RAPGEF4: variants seen among roughly 807,000 people sequenced by gnomAD.
RAPGEF4 encodes Rap guanine nucleotide exchange factor 4, also known as RAP guanine-nucleotide-exchange factor (GEF) 4.
Under a neutral mutation model 147.9 loss-of-function variants are expected in RAPGEF4, and 66 were observed. The observed-to-expected ratio is 0.45, with a 90% confidence interval of 0.37 to 0.55. The LOEUF (loss-of-function observed/expected upper bound fraction) is 0.55, where lower values mean the gene tolerates loss of function less well. Among genes scored for constraint, RAPGEF4 ranks in the 20% least tolerant of loss-of-function variants. The pLI is 0.00. For missense variants in RAPGEF4, 1,071 were observed against 1,257.3 expected (o/e 0.85, Z 2.24); for synonymous variants, 419 against 442.7 (o/e 0.95, Z 0.67).
intron 3 of RAPGEF4, among the ~76,000 whole-genome samples, chr2:172,802,530 C>A (rs956177324): frequency 6.6e-6 from 1 of 152,168 alleles, no homozygotes; most frequent in Non-Finnish European, 1.5e-5. Flanking sequence ...GTTCTTCCTG[C>A]AACACATGGG....
At chr2:172,740,442 G>A (rs969653240) in intron 1 of RAPGEF4, among the ~76,000 whole-genome samples, 6 of 152,132 alleles carry the variant, frequency 3.9e-5, no homozygotes, top group African/African-American at 4.8e-5. Context: ...TTAAGTATTC[G>A]TGTTTCAGTT....
chr2:172,934,405 C>G (rs1484301004), intron 6 of RAPGEF4, among the ~76,000 whole-genome samples: 1 of 152,132 alleles, frequency 6.6e-6, no homozygotes, highest in East Asian at 1.9e-4. Context: ...CCTGCCTCAG[C>G]CTCCCAAAGT....
intron 6 of RAPGEF4, among the ~76,000 whole-genome samples, chr2:172,954,549 A>G (rs1329868269): frequency 3.3e-5 from 5 of 152,218 alleles, no homozygotes; most frequent in Non-Finnish European, 7.3e-5. Flanking sequence ...TATTTCACAA[A>G]TGGAAAAACT....
intron 1 of RAPGEF4, among the ~76,000 whole-genome samples, chr2:172,768,075 G>A (rs1418116210): frequency 6.6e-6 from 1 of 152,128 alleles, no homozygotes; most frequent in Non-Finnish European, 1.5e-5. Context: ...GCCTCCCAGA[G>A]TGCTAGGATT....
intron 4 of RAPGEF4, among the ~76,000 whole-genome samples, chr2:172,832,079 A>G (rs976815041): frequency 2.0e-5 from 3 of 152,236 alleles, no homozygotes; most frequent in African/African-American, 7.2e-5. Context: ...GTGTTTACCC[A>G]CAGAAGGAAA....
intron 3 of RAPGEF4, among the ~76,000 whole-genome samples, chr2:172,802,283 C>T (rs933976862): frequency 1.3e-5 from 2 of 152,250 alleles, no homozygotes. Flanking sequence ...TGAGACTGGG[C>T]AATTTACAAA....
At chr2:172,797,498 A>G (rs1448286922) in intron 2 of RAPGEF4, 27 bp from the exon 3 acceptor site, 1 of 1,579,876 alleles carries the variant, frequency 6.3e-7, no homozygotes, top group Non-Finnish European at 8.7e-7. Context: ...TATCTGTTAT[A>G]TTTATATCAC....
intron 10 of RAPGEF4, among the ~76,000 whole-genome samples, chr2:172,981,363 C>A (rs1691664808): frequency 6.6e-6 from 1 of 152,144 alleles, no homozygotes; most frequent in East Asian, 1.9e-4. Flanking sequence ...CTTTTAAATC[C>A]CCAAGAGTCC....
chr2:172,780,841 A>G (rs1269887931), intron 1 of RAPGEF4, among the ~76,000 whole-genome samples: 1 of 152,214 alleles, frequency 6.6e-6, no homozygotes, highest in Non-Finnish European at 1.5e-5. Context: ...TATAACTGCA[A>G]TTATTGTATT....
chr2:173,000,106 T>A (rs2105793283), intron 16 of RAPGEF4, among the ~76,000 whole-genome samples: 1 of 152,294 alleles, frequency 6.6e-6, no homozygotes, highest in South Asian at 2.1e-4. Flanking sequence ...CTTTGGTACA[T>A]TAAAAAAAAT....
At chr2:172,891,638 T>A (rs147427368) in intron 4 of RAPGEF4, among the ~76,000 whole-genome samples, 24 of 152,298 alleles carry the variant, frequency 1.6e-4, no homozygotes, top group Non-Finnish European at 2.9e-4. Flanking sequence ...CATAGATGGG[T>A]GCACGTGCAG....
intron 4 of RAPGEF4, among the ~76,000 whole-genome samples, chr2:172,901,431 A>G (rs963144466): frequency 6.6e-6 from 1 of 152,248 alleles, no homozygotes; most frequent in African/African-American, 2.4e-5. Context: ...GACCATGTAC[A>G]TCATATGATT....
chr2:172,917,773 T>G lies in RAPGEF4; in HGVS notation c.445-29T>G. The G allele has an allele frequency of 1.9e-6, 3 of 1,559,336 alleles. No homozygotes were observed. The African/African-American group carries it at 4.1e-5, about 21-fold the overall frequency. ...AATGCTCAAAGCAAGTAAATATCTG[T>G]GTGTTGAGTTTACAATCTTGTCTTT... On this transcript the variant is annotated intron_variant, in intron 4 of 30. Transcript: ENST00000397081.
chr2:172,967,636 C>T (rs1039956258), intron 10 of RAPGEF4, among the ~76,000 whole-genome samples, 192 bp downstream of exon 10: 5 of 152,196 alleles, frequency 3.3e-5, no homozygotes, highest in African/African-American at 1.2e-4. Context: ...CCAGATGGCT[C>T]CATTTTCCAT....
At chr2:172,886,648 T>C (rs1178671346) in intron 4 of RAPGEF4, among the ~76,000 whole-genome samples, 4 of 152,088 alleles carry the variant, frequency 2.6e-5, no homozygotes, top group Non-Finnish European at 5.9e-5. Flanking sequence ...CCCCCTTCTT[T>C]TAGCTCTTTA....
At chr2:172,741,167 G>A (rs1694259698) in intron 1 of RAPGEF4, among the ~76,000 whole-genome samples, 1 of 152,202 alleles carries the variant, frequency 6.6e-6, no homozygotes, top group African/African-American at 2.4e-5. Context: ...ACCTTTTCCA[G>A]TCAGATCACC....
intron 9 of RAPGEF4, among the ~76,000 whole-genome samples, chr2:172,965,991 T>C (rs1298206292): frequency 1.3e-5 from 2 of 152,244 alleles, no homozygotes; most frequent in Non-Finnish European, 2.9e-5. Context: ...GATTATACTC[T>C]GAGCAGTGCA....
intron 6 of RAPGEF4, among the ~76,000 whole-genome samples, chr2:172,925,850 G>A (rs1685267761): frequency 7.3e-6 from 1 of 137,202 alleles, no homozygotes; most frequent in African/African-American, 2.7e-5. Flanking sequence ...AGGAAGGAAG[G>A]GAAGGAAAGA....
At chr2:172,880,943 G>T (rs1208672813) in intron 4 of RAPGEF4, among the ~76,000 whole-genome samples, 1 of 152,130 alleles carries the variant, frequency 6.6e-6, no homozygotes, top group Non-Finnish European at 1.5e-5. Context: ...CAAGTTTTTT[G>T]AATACCCCTT....
Sources: gnomAD v4.1 joint callset for allele counts (sites outside exome capture counted in the v4.1 genomes callset) on GRCh38, gnomAD v4.1.1 for gene constraint, MANE v1.5 for transcripts, NCBI Gene and HGNC (gene_info 2026-07-23, HGNC 2026-07-21) for gene names.